Variants in NIBAN1 observed in about 807,000 individuals in gnomAD.
NIBAN1 encodes the protein niban apoptosis regulator 1.
In NIBAN1, 81 loss-of-function variants were observed where a neutral mutation model predicts 75.1. The observed-to-expected ratio is 1.08, with a 90% CI of 0.90 to 1.30. The LOEUF is 1.30. Among genes scored for constraint, NIBAN1 ranks in the 50% most tolerant of loss-of-function variants. The pLI is 0.00. For synonymous variants in NIBAN1, 436 were observed against 424.8 expected (o/e 1.03, Z -0.32); for missense variants, 1,133 against 1,128.1 (o/e 1.00, Z -0.06).
At chr1:184,815,081 G>A (rs756933833) in intron 9 of NIBAN1, among the ~76,000 whole-genome samples, 6 of 152,106 alleles carry the variant, frequency 3.9e-5, no homozygotes, top group South Asian at 2.1e-4. Context: ...AAATTAAAGC[G>A]TCAGGTACAT....
chr1:184,942,528 C>T (rs893288158), intron 1 of NIBAN1, among the ~76,000 whole-genome samples: 7 of 152,026 alleles, frequency 4.6e-5, no homozygotes, highest in African/African-American at 1.7e-4. Flanking sequence ...CCCGTCTCTA[C>T]TAAAAATACA....
chr1:184,824,518 G>A (rs138860268), intron 6 of NIBAN1, among the ~76,000 whole-genome samples: 99 of 152,144 alleles, frequency 6.5e-4, no homozygotes, highest in African/African-American at 1.8e-3. Flanking sequence ...GAGAAGGTAC[G>A]CAGAAGGAAA....
intron 5 of NIBAN1, among the ~76,000 whole-genome samples, chr1:184,837,471 G>C (rs1655171753): frequency 6.6e-6 from 1 of 152,192 alleles, no homozygotes; most frequent in South Asian, 2.1e-4. Context: ...CAGCTGGTCA[G>C]TAGCAGAGCC....
At chr1:184,897,516 T>C (rs1277857915) in intron 2 of NIBAN1, among the ~76,000 whole-genome samples, 1 of 152,178 alleles carries the variant, frequency 6.6e-6, no homozygotes, top group African/African-American at 2.4e-5. Flanking sequence ...TTCTTTTCTC[T>C]GTCTATAGTC....
At chr1:184,940,762 G>A (rs917593364) in intron 1 of NIBAN1, among the ~76,000 whole-genome samples, 3 of 152,276 alleles carry the variant, frequency 2.0e-5, no homozygotes, top group Admixed American at 2.0e-4. Flanking sequence ...AAATGCTCAG[G>A]CACACTCTGC....
chr1:184,877,849 T>C (rs1656271377), intron 5 of NIBAN1, among the ~76,000 whole-genome samples: 1 of 152,160 alleles, frequency 6.6e-6, no homozygotes, highest in Non-Finnish European at 1.5e-5. Context: ...TTGATTATAG[T>C]AATATCAAAA....
intron 7 of NIBAN1, 99 bp downstream of exon 7, chr1:184,823,539 G>T: frequency 7.3e-7 from 1 of 1,364,502 alleles, no homozygotes; most frequent in Non-Finnish European, 1.0e-6. Context: ...TACACCCAGG[G>T]AAGGGAATAT....
At chr1:184,934,792 G>A (rs938971634) in intron 1 of NIBAN1, among the ~76,000 whole-genome samples, 1 of 152,176 alleles carries the variant, frequency 6.6e-6, no homozygotes, top group Admixed American at 6.5e-5. Flanking sequence ...ATACTTAGGA[G>A]GCTGAGGCAG....
At chr1:184,955,689 G>A (rs1245857704) in intron 1 of NIBAN1, among the ~76,000 whole-genome samples, 2 of 152,102 alleles carry the variant, frequency 1.3e-5, no homozygotes, top group Non-Finnish European at 2.9e-5. Flanking sequence ...TTCAAAATTA[G>A]AATCCACTTA....
At chr1:184,818,974 CTGGTGCCCA>C (rs1194551105) in intron 8 of NIBAN1, 149 bp from the exon 9 acceptor site, 2 of 787,850 alleles carry the variant, frequency 2.5e-6, no homozygotes, top group African/African-American at 3.4e-5. Context: ...CACAATGAGC[CTGGTGCCCA>C]TGGTCACAAG....
chr1:184,845,817 G>A (rs1268783696), intron 5 of NIBAN1, among the ~76,000 whole-genome samples: 4 of 84,002 alleles, frequency 4.8e-5, no homozygotes, highest in East Asian at 5.1e-4. Flanking sequence ...CCTGGGAAGC[G>A]CAAGGGGTCA....
At chr1:184,887,841 T>A (rs1437273464) in intron 4 of NIBAN1, 3 of 152,188 alleles carry the variant, frequency 2.0e-5, no homozygotes, top group African/African-American at 7.2e-5. Flanking sequence ...CGGGGGCATT[T>A]TTTTCTGTAT....
intron 1 of NIBAN1, among the ~76,000 whole-genome samples, chr1:184,931,063 T>C (rs1038862765): frequency 4.0e-5 from 6 of 148,904 alleles, no homozygotes; most frequent in Non-Finnish European, 8.9e-5. Flanking sequence ...GCAGTGGCAC[T>C]GTGTCGGCTC....
intron 1 of NIBAN1, among the ~76,000 whole-genome samples, chr1:184,955,541 GT>G (rs1658467720): frequency 6.6e-6 from 1 of 151,868 alleles, no homozygotes; most frequent in Non-Finnish European, 1.5e-5. Flanking sequence ...GTTTCACCAT[GT>G]TGGCCAGGAT....
intron 12 of NIBAN1, among the ~76,000 whole-genome samples, chr1:184,801,153 T>C (rs1654030096): frequency 6.6e-6 from 1 of 152,140 alleles, no homozygotes. Context: ...CCATGGGATT[T>C]GCGGTCTCTT....
chr1:184,971,155 C>T (rs1076797), intron 1 of NIBAN1, among the ~76,000 whole-genome samples: 2,172 of 151,756 alleles, frequency 0.014, 47 homozygotes, highest in African/African-American at 0.047. Flanking sequence ...TGGTGGCACA[C>T]ACCTGCAGTT....
intron 1 of NIBAN1, among the ~76,000 whole-genome samples, chr1:184,974,018 G>C (rs1353539864): frequency 1.3e-5 from 2 of 152,316 alleles, no homozygotes; most frequent in East Asian, 3.9e-4. Flanking sequence ...CGCCGGGCGG[G>C]GGCGGCACTG....
chr1:184,823,727 C>A lies in NIBAN1; in HGVS notation c.733G>T (p.Val245Leu). Residue 245 changes from valine (V) to leucine (L), a missense_variant, in exon 7 of 14, where the codon GTG becomes TTG. Physicochemically the swap from Val to Leu is conservative, Grantham distance 32. Transcript: ENST00000367511. ...AGAGTGGGCAGGAGCTCCTCCATCA[C>A]CAGGTTACTCAGGATCTGCGCAGCA... Reference protein sequence around the residue: ...GDEIQILSNLVMEELLPTLQT... With the variant: ...GDEIQILSNLLMEELLPTLQT... 6.2e-7 allele frequency: 1 copy of A among 1,614,098 alleles called. No individual in the cohort carries two copies. Among genetic ancestry groups the A allele is most frequent in the Non-Finnish European group, 8.5e-7 (1 of 1,179,968 alleles).
chr1:184,839,600 A>ATT (rs1199357275), intron 5 of NIBAN1, among the ~76,000 whole-genome samples: 1 of 144,000 alleles, frequency 6.9e-6, no homozygotes, highest in Non-Finnish European at 1.5e-5. Context: ...GTTCCATTTA[A>ATT]TTTTTTTTTT....
Sources: allele counts gnomAD v4.1 joint callset (sites outside exome capture counted in the v4.1 genomes callset), GRCh38; gene constraint gnomAD v4.1.1; transcripts MANE v1.5; gene names NCBI Gene and HGNC (gene_info 2026-07-23, HGNC 2026-07-21).